The following PLCD1 variants were observed in gnomAD, a reference collection of about 807,000 sequenced individuals.
PLCD1 encodes 1-phosphatidylinositol 4,5-bisphosphate phosphodiesterase delta-1.
PLCD1 carries 71 observed loss-of-function variants against 87.4 expected under a neutral mutation model. That is an observed-to-expected ratio of 0.81 (90% confidence interval 0.67 to 0.99). The LOEUF (loss-of-function observed/expected upper bound fraction) is 0.99, where lower values mean the gene tolerates loss of function less well. Among genes scored for constraint, PLCD1 ranks in the 50% least tolerant of loss-of-function variants. PLCD1 has a pLI of 0.00. For missense variants in PLCD1, 867 were observed against 1,001.5 expected, an observed-to-expected ratio of 0.87 and a Z score of 1.81; for synonymous variants, 348 against 399.2, an observed-to-expected ratio of 0.87 and a Z score of 1.53.
rs1476957100 is a variant in PLCD1 at position 38,029,596 on chromosome 3, C to T, written c.-57G>A. 1.3e-6 allele frequency: 2 copies of T among 1,507,016 alleles called. No individual in the cohort carries two copies. The highest frequency in any genetic ancestry group is 2.0e-5 in the Admixed American group (1 of 50,772). 93.4% of individuals were successfully genotyped at this position (1,507,016 alleles called of 1,614,324 possible). On this transcript the variant is annotated 5_prime_UTR_variant, in exon 1 of 15. Coordinates refer to ENST00000334661, the MANE Select transcript of PLCD1 (RefSeq NM_006225.4). ...GCGGGACTCACTTGAGTAGCGACAG[C>T]ACCGGCGGCCTGGGGTCCGAGCGGA... is the stretch of plus-strand genomic sequence containing the variant.
At position 38,011,697 on chromosome 3, in the gene PLCD1, C is replaced by G. The variant is rs751571979; in HGVS notation, c.429-24G>C. On this transcript the variant is annotated intron_variant, in intron 3 of 14. Transcript: ENST00000334661. ...AGCTGGGCAAGAAGTAAGGAAAGAA[C>G]CCAGGAACCCTGGAACCTACCAAGG... 69 of 1,613,696 alleles carry G rather than the reference C, an allele frequency of 4.3e-5. No homozygotes were observed. In the Admixed American group the frequency reaches 1.0e-3, roughly 25 times the overall value.
rs1315110259 is a variant in PLCD1 at position 38,008,072 on chromosome 3, G to A, written c.2127C>T (p.Ala709=). 6.2e-7 allele frequency: 1 copy of A among 1,614,036 alleles called. No individual in the cohort carries two copies. Among genetic ancestry groups the A allele is most frequent in the Non-Finnish European group, 8.5e-7 (1 of 1,179,998 alleles). Residue 709 remains alanine (A), a synonymous_variant, in exon 14 of 15, where the codon GCC becomes GCT. Transcript: ENST00000334661. ...LIRFLVEDYD[A]SSKNDFIGQS... ...GGCCAATGAAGTCATTCTTGGAGGA[G>A]GCATCATAATCTTCCACCAAGAAGC... is the stretch of plus-strand genomic sequence containing the variant.
intron 1 of PLCD1, among the ~76,000 whole-genome samples, chr3:38,023,833 CACA>C (rs1043661500): frequency 1.3e-4 from 19 of 151,258 alleles, no homozygotes; most frequent in South Asian, 1.1e-3. Flanking sequence ...CACTTTGTTT[CACA>C]ACATTACACA....
rs1316638747 is a variant in PLCD1 at position 38,025,876 on chromosome 3, A to G, written c.34+3630T>C. On this transcript the variant is annotated intron_variant, in intron 1 of 14. Transcript: ENST00000334661. The surrounding 1 kb of genome is among the most constrained non-coding windows in gnomAD (Gnocchi z 4.0). ...CCCCAGTTCGCTTCACTGCAGCTCCAGTCACCAGCATTGACAGTGAGTCAC... is the reference window on the plus strand; with the variant it reads ...CCCCAGTTCGCTTCACTGCAGCTCCGGTCACCAGCATTGACAGTGAGTCAC... 1.2e-4 allele frequency among the ~76,000 whole-genome samples: 19 copies of G among 152,180 alleles called. No homozygotes were observed. Among genetic ancestry groups the G allele is most frequent in the Admixed American group, 1.2e-3 (19 of 15,282 alleles).
rs771579284 is a variant in PLCD1 at position 38,008,212 on chromosome 3, C to T, written c.2035+23G>A. The T allele has an allele frequency of 4.3e-6, 7 of 1,613,698 alleles. No individual in the cohort carries two copies. In the Admixed American group the frequency reaches 5.0e-5, roughly 12 times the overall value. Reference sequence around the variant, plus strand: ...GCAGCATGGACACCAGCCCTAGTAGCCCAGCCCAGGCCCAGCACCTACCAT... The same window carrying T: ...GCAGCATGGACACCAGCCCTAGTAGTCCAGCCCAGGCCCAGCACCTACCAT... On this transcript the variant is annotated intron_variant, in intron 13 of 14. Transcript: ENST00000334661.
At chr3:38,020,469 C>T in intron 1 of PLCD1, 117 bp from the exon 2 acceptor site, 1 of 961,396 alleles carries the variant, frequency 1.0e-6, no homozygotes, top group Non-Finnish European at 1.7e-6. Context: ...CCAGCCTCAT[C>T]CTCAGCTCTG....
intron 1 of PLCD1, among the ~76,000 whole-genome samples, chr3:38,022,201 G>A (rs1700245808): frequency 1.3e-5 from 2 of 152,206 alleles, no homozygotes; most frequent in South Asian, 4.1e-4. Flanking sequence ...GAGCTGTTGT[G>A]CCTTAGCGTG....
intron 11 of PLCD1, 155 bp from the exon 12 acceptor site, chr3:38,008,791 C>G (rs1430405640): frequency 1.4e-5 from 10 of 726,122 alleles, no homozygotes; most frequent in Non-Finnish European, 2.4e-6. Context: ...CCCTCAGTGA[C>G]CCACCATGCT....
At chr3:38,024,422 C>T in intron 1 of PLCD1, 1 of 1,612,198 alleles carries the variant, frequency 6.2e-7, no homozygotes. Flanking sequence ...TCCGGATCCC[C>T]AGGCACTGCA....
rs9837637 is a variant in PLCD1 at position 38,010,458 on chromosome 3, C to T, written c.895G>A (p.Gly299Ser). The change falls in exon 6 of 15, where the codon GGC becomes AGC. Residue 299 changes from glycine (G) to serine (S), a missense_variant. Coordinates refer to ENST00000334661, the MANE Select transcript of PLCD1 (RefSeq NM_006225.4). ...LAHRRVYQDM[G>S]QPLSHYLVSS... ...ACCAGGTAGTGGCTAAGTGGCTGGCCCATGTCCTGGTAGACACGGCGGTGT... is the reference window on the plus strand; with the variant it reads ...ACCAGGTAGTGGCTAAGTGGCTGGCTCATGTCCTGGTAGACACGGCGGTGT... 7.0e-4 allele frequency: 1,125 copies of T among 1,614,162 alleles called. 8 individuals carry two copies. In the African/African-American group the frequency reaches 0.014, roughly 20 times the overall value.
chr3:38,017,713 G>T lies in PLCD1; in HGVS notation c.200-994C>A, dbSNP rs1013030021. On this transcript the variant is annotated intron_variant, in intron 2 of 14. Transcript: ENST00000334661. This position sits in a 1 kb window ranked among gnomAD's most constrained non-coding sequence, Gnocchi z 4.7. ...CATCCATCTGTCCTGGCTCCTAGAC[G>T]GTTCTAGCTGAAGTCCACCTGTCCC... 6.6e-6 allele frequency among the ~76,000 whole-genome samples: 1 copy of T among 152,176 alleles called. No homozygotes were observed. Among genetic ancestry groups the T allele is most frequent in the Non-Finnish European group, 1.5e-5 (1 of 68,012 alleles).
rs1056859231 is a variant in PLCD1 at position 38,024,846 on chromosome 3, G to A, written c.35-4494C>T. 6 of 698,610 alleles carry A rather than the reference G, an allele frequency of 8.6e-6. No homozygotes were observed. The African/African-American group carries it at 1.1e-4, about 13-fold the overall frequency. The allele number at this position is 698,610 out of a possible 1,614,324, so 43.3% of individuals were successfully genotyped here. A position where few individuals can be genotyped will look rare whatever the true frequency, so the allele number is the denominator to read the frequency against. ...AAAGGCTGGGCCATCCAAGAGGGGT[G>A]GGACTAACGACCCCTGGAGATGGGG... On this transcript the variant is annotated intron_variant, in intron 1 of 14. Coordinates refer to ENST00000334661, the MANE Select transcript of PLCD1 (RefSeq NM_006225.4).
At chr3:38,008,760 A>G in intron 11 of PLCD1, 124 bp from the exon 12 acceptor site, 1 of 862,844 alleles carries the variant, frequency 1.2e-6, no homozygotes, top group East Asian at 2.6e-5. Context: ...CATCACTCCA[A>G]TGCCTGCTGC....
At chr3:38,019,349 A>T (rs1700200612) in intron 2 of PLCD1, among the ~76,000 whole-genome samples, 1 of 152,216 alleles carries the variant, frequency 6.6e-6, no homozygotes, top group Admixed American at 6.5e-5. Context: ...CGGCAGTCAC[A>T]CTAGCCACAT....
Position 38,017,602 on chromosome 3 carries a change from C to T in PLCD1, c.200-883G>A, listed in dbSNP as rs1424488501. Among the ~76,000 whole-genome samples the T allele has an allele frequency of 2.6e-5, 4 of 152,172 alleles. No individual in the cohort carries two copies. The highest frequency in any genetic ancestry group is 5.9e-5 in the Non-Finnish European group (4 of 68,020). On this transcript the variant is annotated intron_variant, in intron 2 of 14. Coordinates refer to ENST00000334661, the MANE Select transcript of PLCD1 (RefSeq NM_006225.4). The surrounding 1 kb of genome is among the most constrained non-coding windows in gnomAD (Gnocchi z 4.7). ...TGCCCTCCATGGCCTGGCCAGGAGC[C>T]AGTTCTTCCAGTCAGGCTCATGCTG...
Position 38,010,154 on chromosome 3 carries a change from C to T in PLCD1, c.1114G>A (p.Ala372Thr). ...ACCTTGAAGGCATAGTCCCGGATGG[C>T]CCTGAGCACATCGCAGAAGAGGATC... Reference protein sequence around the residue: ...SKILFCDVLRAIRDYAFKASP... With the variant: ...SKILFCDVLRTIRDYAFKASP... Residue 372 changes from alanine (A) to threonine (T), a missense_variant, in exon 7 of 15, where the codon GCC (alanine) becomes ACC (threonine). By Grantham distance (58) the Ala-to-Thr change is moderately conservative. Transcript: ENST00000334661. 1 of 1,614,246 alleles carries T rather than the reference C, an allele frequency of 6.2e-7. No individual in the cohort carries two copies. The highest frequency in any genetic ancestry group is 1.1e-5 in the South Asian group (1 of 91,086).
rs999042067 is a variant in PLCD1 at position 38,025,133 on chromosome 3, G to T, written c.34+4373C>A. ...GAGCCATACCCAGGAAGCAGCCCGG[G>T]GGCGGGGCCAGGGCCCAGGAGGCGA... On this transcript the variant is annotated intron_variant, in intron 1 of 14. Transcript: ENST00000334661. The surrounding 1 kb of genome is among the most constrained non-coding windows in gnomAD (Gnocchi z 4.0). Among the ~76,000 whole-genome samples the T allele has an allele frequency of 6.6e-6, 1 of 152,198 alleles. No individual in the cohort carries two copies. The highest frequency in any genetic ancestry group is 2.4e-5 in the African/African-American group (1 of 41,442).
Position 38,018,338 on chromosome 3 carries a change from C to T in PLCD1, c.200-1619G>A, listed in dbSNP as rs867210090. On this transcript the variant is annotated intron_variant, in intron 2 of 14. Coordinates refer to ENST00000334661, the MANE Select transcript of PLCD1 (RefSeq NM_006225.4). This position sits in a 1 kb window ranked among gnomAD's most constrained non-coding sequence, Gnocchi z 5.7. ...CCCCTCAGGCCTTGCTCCATACCTG[C>T]GCACACCTGGCTCCCTGACCCTGGA... Among the ~76,000 whole-genome samples, 4 of 152,178 alleles carry T rather than the reference C, an allele frequency of 2.6e-5. No individual in the cohort carries two copies. The highest frequency in any genetic ancestry group is 3.9e-4 in the East Asian group (2 of 5,156).
intron 1 of PLCD1, among the ~76,000 whole-genome samples, chr3:38,022,198 T>A (rs952034379): frequency 2.0e-5 from 3 of 152,226 alleles, no homozygotes; most frequent in African/African-American, 7.2e-5. Flanking sequence ...GATGAGCTGT[T>A]GTGCCTTAGC....
Sources: gnomAD v4.1 joint callset for allele counts (sites outside exome capture counted in the v4.1 genomes callset) on GRCh38, gnomAD v4.1.1 for gene constraint, Gnocchi (gnomAD v3.1) non-coding constraint, MANE v1.5 for transcripts, NCBI Gene and HGNC (gene_info 2026-07-23, HGNC 2026-07-21) for gene names.